The following ENOX1 variants were observed in gnomAD, a reference collection of about 807,000 sequenced individuals.
The protein encoded by ENOX1 is ecto-NOX disulfide-thiol exchanger 1.
In ENOX1, 42 loss-of-function variants were observed where a neutral mutation model predicts 82.5. That is an observed-to-expected ratio of 0.51 (90% CI 0.40 to 0.66). The LOEUF (loss-of-function observed/expected upper bound fraction) is 0.66, where lower values mean the gene tolerates loss of function less well. Ranked by LOEUF, ENOX1 falls within the 30% of genes least tolerant of loss-of-function variation. ENOX1 has a pLI of 0.00. For missense variants in ENOX1, 608 were observed against 811.6 expected (o/e 0.75, Z 3.05); for synonymous variants, 271 against 282.2 (o/e 0.96, Z 0.40).
chr13:43,253,278 CCTTT>C (rs2153471920), intron 14 of ENOX1, among the ~76,000 whole-genome samples: 1 of 152,284 alleles, frequency 6.6e-6, no homozygotes, highest in African/African-American at 2.4e-5. Flanking sequence ...GTCTTTCCCG[CCTTT>C]CTTCCCTTTT....
At chr13:43,231,529 T>C (rs1184979618) in intron 15 of ENOX1, among the ~76,000 whole-genome samples, 1 of 152,240 alleles carries the variant, frequency 6.6e-6, no homozygotes, top group African/African-American at 2.4e-5. Flanking sequence ...GTAATATTTG[T>C]CTGTCTTATT....
chr13:43,384,178 T>C (rs767084848), intron 5 of ENOX1, among the ~76,000 whole-genome samples: 1 of 152,228 alleles, frequency 6.6e-6, no homozygotes, highest in Non-Finnish European at 1.5e-5. Context: ...GAAAAATGCC[T>C]GGCACATACA....
At chr13:43,343,491 T>A (rs577804580) in intron 9 of ENOX1, among the ~76,000 whole-genome samples, 90 of 152,334 alleles carry the variant, frequency 5.9e-4, no homozygotes, top group Admixed American at 2.9e-3. Flanking sequence ...GGGAATTTGT[T>A]ATATCATATG....
At chr13:43,585,454 T>C (rs2080933817) in intron 2 of ENOX1, among the ~76,000 whole-genome samples, 2 of 152,264 alleles carry the variant, frequency 1.3e-5, no homozygotes, top group African/African-American at 2.4e-5. Context: ...CAGACAATTC[T>C]GTTCTTGGTC....
intron 5 of ENOX1, among the ~76,000 whole-genome samples, chr13:43,385,126 C>A (rs902952502): frequency 2.9e-4 from 44 of 151,844 alleles, no homozygotes; most frequent in African/African-American, 1.0e-3. Context: ...TTAAATGAGT[C>A]CTTTTTTCTG....
intron 1 of ENOX1, among the ~76,000 whole-genome samples, chr13:43,691,159 A>G (rs2153803711): frequency 6.6e-6 from 1 of 152,236 alleles, no homozygotes; most frequent in Non-Finnish European, 1.5e-5. Flanking sequence ...CTATGTCTAG[A>G]AAATCAAAAC....
At position 43,754,401 on chromosome 13, in the gene ENOX1, C is replaced by T. The variant is rs1455173910; in HGVS notation, c.-285+32251G>A. Reference sequence around the variant, plus strand: ...AGGCTGGAGTGTGGTGGTGTGATCTCGGCTCACTGCAACCCCCACCTCCTG... The same window carrying T: ...AGGCTGGAGTGTGGTGGTGTGATCTTGGCTCACTGCAACCCCCACCTCCTG... On this transcript the variant is annotated intron_variant, in intron 1 of 16. Coordinates refer to ENST00000690772, the MANE Select transcript of ENOX1 (RefSeq NM_001347969.2). Among the ~76,000 whole-genome samples, 21 of 144,194 alleles carry T rather than the reference C, an allele frequency of 1.5e-4. No individual in the cohort carries two copies. The East Asian group carries it at 2.5e-3, about 17-fold the overall frequency. 94.6% of individuals were successfully genotyped at this position (144,194 alleles called of 152,430 possible).
chr13:43,273,367 G>A (rs2044807421), intron 12 of ENOX1, among the ~76,000 whole-genome samples: 1 of 152,090 alleles, frequency 6.6e-6, no homozygotes, highest in African/African-American at 2.4e-5. Flanking sequence ...GACTTCCCAT[G>A]AATTAAAGTG....
chr13:43,480,179 T>C (rs936357474), intron 3 of ENOX1, among the ~76,000 whole-genome samples: 4 of 152,094 alleles, frequency 2.6e-5, no homozygotes, highest in Non-Finnish European at 1.5e-5. Flanking sequence ...CCTCAGGTGA[T>C]CCACCCGCCT....
chr13:43,344,829 G>A (rs2049284596), intron 8 of ENOX1, 79 bp from the exon 9 acceptor site: 6 of 1,420,570 alleles, frequency 4.2e-6, no homozygotes, highest in Non-Finnish European at 9.8e-7. Flanking sequence ...TCAAAAGACA[G>A]AGCATAGTCC....
intron 2 of ENOX1, among the ~76,000 whole-genome samples, chr13:43,635,522 T>G (rs1351010381): frequency 6.6e-6 from 1 of 152,176 alleles, no homozygotes; most frequent in Non-Finnish European, 1.5e-5. Context: ...TTGACAGAGA[T>G]AAACGTGCTA....
intron 2 of ENOX1, among the ~76,000 whole-genome samples, chr13:43,513,788 A>G (rs1049045403): frequency 2.0e-5 from 3 of 152,180 alleles, no homozygotes; most frequent in African/African-American, 4.8e-5. Flanking sequence ...GAGAAAAATC[A>G]TAAGTACTCC....
chr13:43,250,495 C>CT (rs1326257831), intron 14 of ENOX1, among the ~76,000 whole-genome samples: 1 of 152,184 alleles, frequency 6.6e-6, no homozygotes, highest in Admixed American at 6.5e-5. Context: ...GGTCCACTGA[C>CT]TTTTTTTGCA....
intron 1 of ENOX1, among the ~76,000 whole-genome samples, chr13:43,734,766 T>C (rs1033804496): frequency 6.6e-6 from 1 of 152,162 alleles, no homozygotes; most frequent in Non-Finnish European, 1.5e-5. Flanking sequence ...TATAATAAAA[T>C]GTGCTCTAAA....
intron 1 of ENOX1, among the ~76,000 whole-genome samples, chr13:43,783,419 G>A (rs945929210): frequency 1.3e-5 from 2 of 149,492 alleles, no homozygotes; most frequent in African/African-American, 4.8e-5. Flanking sequence ...AAAAAACAAA[G>A]AAAGAATAAT....
intron 2 of ENOX1, among the ~76,000 whole-genome samples, chr13:43,572,166 A>G (rs1003836686): frequency 1.3e-5 from 2 of 152,158 alleles, no homozygotes; most frequent in Non-Finnish European, 2.9e-5. Flanking sequence ...ATCAGGCTGG[A>G]AAAAAATTCT....
At chr13:43,699,211 AATG>A (rs2086790768) in intron 1 of ENOX1, among the ~76,000 whole-genome samples, 1 of 152,194 alleles carries the variant, frequency 6.6e-6, no homozygotes, top group South Asian at 2.1e-4. Flanking sequence ...TCAGCTAAGA[AATG>A]ACTTGAGGGA....
At chr13:43,671,021 T>C (rs961609383) in intron 1 of ENOX1, among the ~76,000 whole-genome samples, 3 of 152,176 alleles carry the variant, frequency 2.0e-5, no homozygotes, top group East Asian at 3.8e-4. Flanking sequence ...CCCCACATGT[T>C]GAGGGAGGGA....
intron 8 of ENOX1, among the ~76,000 whole-genome samples, chr13:43,349,180 A>G (rs766368722): frequency 6.6e-6 from 1 of 152,242 alleles, no homozygotes; most frequent in Non-Finnish European, 1.5e-5. Flanking sequence ...GCCATTATCT[A>G]CGAGAGATAG....
Sources: gnomAD v4.1 joint callset for allele counts (sites outside exome capture counted in the v4.1 genomes callset) on GRCh38, gnomAD v4.1.1 for gene constraint, MANE v1.5 for transcripts, NCBI Gene and HGNC (gene_info 2026-07-23, HGNC 2026-07-21) for gene names.